SIRPB2: variants seen among roughly 807,000 people sequenced by gnomAD.
SIRPB2 encodes the protein signal-regulatory protein beta-2.
SIRPB2 carries 18 observed loss-of-function variants against 27.1 expected under a neutral mutation model. The ratio of observed to expected loss-of-function variants is 0.66; its 90% CI spans 0.46 to 0.98. SIRPB2 has a LOEUF of 0.98. Among genes scored for constraint, SIRPB2 ranks in the 50% least tolerant of loss-of-function variants. SIRPB2 has a pLI of 0.00. For missense variants in SIRPB2, 420 were observed against 417.4 expected (o/e 1.01, Z -0.06); for synonymous variants, 150 against 164.6 (o/e 0.91, Z 0.68).
At chr20:1,483,405 C>A (rs1472636017) in intron 1 of SIRPB2, among the ~76,000 whole-genome samples, 2 of 152,024 alleles carry the variant, frequency 1.3e-5, no homozygotes, top group African/African-American at 4.8e-5. Flanking sequence ...CAGCACCTGG[C>A]CTTTTTTTGG....
chr20:1,482,820 C>CTA (rs199633782), intron 1 of SIRPB2, among the ~76,000 whole-genome samples: 2 of 151,680 alleles, frequency 1.3e-5, no homozygotes, highest in South Asian at 2.1e-4. Flanking sequence ...CTTGGGGACA[C>CTA]TATATATATG....
intron 1 of SIRPB2, among the ~76,000 whole-genome samples, chr20:1,483,200 G>C (rs2090691183): frequency 6.6e-6 from 1 of 151,416 alleles, no homozygotes; most frequent in Non-Finnish European, 1.5e-5. Context: ...TCCGCCTCCT[G>C]GGGTCAAGTG....
At chr20:1,478,097 A>C (rs2090624664) in intron 3 of SIRPB2, 169 bp downstream of exon 3, 1 of 730,084 alleles carries the variant, frequency 1.4e-6, no homozygotes, top group African/African-American at 1.7e-5. Flanking sequence ...CTGGGCCTTG[A>C]AGGATGAGTA....
rs1272783704 is a variant in SIRPB2 at position 1,475,140 on chromosome 20, A to G, written c.*1027T>C. ...CCAAAAGTCCAGTGGGGGCAAAATC[A>G]CTCATCTTGGGAACTACTGCCCCAC... On this transcript the variant is annotated 3_prime_UTR_variant, in exon 5 of 5. Transcript: ENST00000359801. 1 of 152,094 alleles carries G rather than the reference A, an allele frequency of 6.6e-6. No individual in the cohort carries two copies. Among genetic ancestry groups the G allele is most frequent in the Non-Finnish European group, 1.5e-5 (1 of 68,056 alleles). 9.4% of individuals were successfully genotyped at this position (152,094 alleles called of 1,614,324 possible).
In SIRPB2 at chr20:1,478,587, C is replaced by T. The variant is rs1193027103; in HGVS notation, c.472G>A (p.Asp158Asn). 6.3e-7 allele frequency: 1 copy of T among 1,589,954 alleles called. No individual in the cohort carries two copies. The highest frequency in any genetic ancestry group is 2.3e-5 in the East Asian group (1 of 44,394). The change falls in exon 3 of 5, where the codon GAC becomes AAC. Residue 158 changes from aspartate to asparagine, a missense_variant. Coordinates refer to ENST00000359801, the MANE Select transcript of SIRPB2 (RefSeq NM_001122962.2). ...LVKGAGDPEP[D>N]LWIIQPQELV... ...TCCTGGGGCTGGATGATCCACAGGTCTGGTTCAGGGTCCCCAGCTCCTGAA... is the reference window on the plus strand; with the variant it reads ...TCCTGGGGCTGGATGATCCACAGGTTTGGTTCAGGGTCCCCAGCTCCTGAA...
In SIRPB2 at chr20:1,491,325, G is replaced by A. The variant is rs776141747; in HGVS notation, c.35C>T (p.Ala12Val). 1.2e-6 allele frequency: 2 copies of A among 1,611,104 alleles called. No individual in the cohort carries two copies. Among genetic ancestry groups the A allele is most frequent in the South Asian group, 1.1e-5 (1 of 90,414 alleles). Residue 12 changes from alanine (A) to valine (V), a missense_variant, in exon 1 of 5, where the codon GCC (alanine) becomes GTC (valine). Physicochemically the swap from Ala to Val is moderately conservative, Grantham distance 64. Transcript: ENST00000359801. ...CSTMSAPTCL[A>V]HLPPCFLLLA... ...CAGCAGGAAGCAGGGAGGCAAGTGG[G>A]CCAGGCAGGTGGGGGCCGACATCGT...
rs969304264 is a variant in SIRPB2 at position 1,476,153 on chromosome 20, C to G, written c.*14G>C. The G allele has an allele frequency of 2.5e-6, 4 of 1,611,992 alleles. No individual in the cohort carries two copies. In the African/African-American group the frequency reaches 5.4e-5, roughly 22 times the overall value. Reference sequence around the variant, plus strand: ...CTCTCCAACTCAGAGGGTCCTCACTCTGGGGCTGACCCCTCACTCTTGACC... The same window carrying G: ...CTCTCCAACTCAGAGGGTCCTCACTGTGGGGCTGACCCCTCACTCTTGACC... On this transcript the variant is annotated 3_prime_UTR_variant, in exon 5 of 5. Coordinates refer to ENST00000359801, the MANE Select transcript of SIRPB2 (RefSeq NM_001122962.2).
In SIRPB2 at chr20:1,475,956, GA is replaced by G; in HGVS notation, c.*210del. Reference sequence around the variant, plus strand: ...AGGGACTGAAAAGCAAGGAGGTCTTGAACAGGCCAAAAAGAGAAAGGGAGAC... The same window carrying G: ...AGGGACTGAAAAGCAAGGAGGTCTTGACAGGCCAAAAAGAGAAAGGGAGAC... On this transcript the variant is annotated 3_prime_UTR_variant, in exon 5 of 5. Transcript: ENST00000359801. 1.8e-6 allele frequency: 1 copy of G among 550,948 alleles called. No homozygotes were observed. Among genetic ancestry groups the G allele is most frequent in the South Asian group, 2.4e-5 (1 of 41,946 alleles). 34.1% of individuals were successfully genotyped at this position (550,948 alleles called of 1,614,324 possible).
At chr20:1,488,926 T>C (rs2090752393) in intron 1 of SIRPB2, among the ~76,000 whole-genome samples, 1 of 152,204 alleles carries the variant, frequency 6.6e-6, no homozygotes, top group African/African-American at 2.4e-5. Context: ...TGAATATTCA[T>C]AGATGCTTTA....
intron 1 of SIRPB2, among the ~76,000 whole-genome samples, chr20:1,488,276 T>C (rs975416404): frequency 6.6e-6 from 1 of 152,186 alleles, no homozygotes; most frequent in African/African-American, 2.4e-5. Flanking sequence ...GAGAGTCGAA[T>C]AGACACTTCA....
rs2090603760 is a variant in SIRPB2 at position 1,476,127 on chromosome 20, C to T, written c.*40G>A. 3.1e-6 allele frequency: 5 copies of T among 1,599,282 alleles called. No homozygotes were observed. The highest frequency in any genetic ancestry group is 4.3e-6 in the Non-Finnish European group (5 of 1,175,406). On this transcript the variant is annotated 3_prime_UTR_variant, in exon 5 of 5. Transcript: ENST00000359801. Reference sequence around the variant, plus strand: ...GGGAAATGGTTGAGGAGCCCTGGCTCCTCTCCAACTCAGAGGGTCCTCACT... The same window carrying T: ...GGGAAATGGTTGAGGAGCCCTGGCTTCTCTCCAACTCAGAGGGTCCTCACT...
intron 1 of SIRPB2, among the ~76,000 whole-genome samples, chr20:1,487,007 C>T (rs767628157): frequency 1.3e-5 from 2 of 152,066 alleles, no homozygotes; most frequent in Non-Finnish European, 2.9e-5. Context: ...AAATAAAAGA[C>T]ATCCAGATTT....
chr20:1,472,238 C>T (rs1408765819), downstream of SIRPB2, among the ~76,000 whole-genome samples: 1 of 152,172 alleles, frequency 6.6e-6, no homozygotes, highest in Non-Finnish European at 1.5e-5. Flanking sequence ...TTCTGTCTCC[C>T]ATCCATTCCC....
At chr20:1,476,683 G>A (rs960970349) in intron 4 of SIRPB2, 8 of 1,048,598 alleles carry the variant, frequency 7.6e-6, no homozygotes, top group Non-Finnish European at 8.1e-6. Context: ...GATTTTCTCA[G>A]GGCCACATGT....
At chr20:1,484,862 C>G (rs1252746290) in intron 1 of SIRPB2, among the ~76,000 whole-genome samples, 2 of 152,146 alleles carry the variant, frequency 1.3e-5, no homozygotes, top group African/African-American at 4.8e-5. Flanking sequence ...CCATATCACC[C>G]AGCAATACCA....
rs761620627 is a variant in SIRPB2 at position 1,477,340 on chromosome 20, G to T, written c.857C>A (p.Thr286Lys). The T allele has an allele frequency of 3.7e-6, 6 of 1,614,240 alleles. No individual in the cohort carries two copies. The highest frequency in any genetic ancestry group is 3.3e-5 in the South Asian group (3 of 91,092). Reference protein sequence around the residue: ...TSEPATEMSPTGLLVVFAPVV... With the variant: ...TSEPATEMSPKGLLVVFAPVV... ...TCCACTGAGGTGGGTACGCTCACCT[G>T]TTGGAGACATCTCAGTTGCAGGTTC... The change falls in exon 4 of 5, where the codon ACA becomes AAA. Residue 286 changes from threonine to lysine, a missense_variant and splice_region_variant. Coordinates refer to ENST00000359801, the MANE Select transcript of SIRPB2 (RefSeq NM_001122962.2).
At chr20:1,482,394 A>C (rs1390824645) in intron 1 of SIRPB2, among the ~76,000 whole-genome samples, 1 of 152,126 alleles carries the variant, frequency 6.6e-6, no homozygotes, top group African/African-American at 2.4e-5. Flanking sequence ...CCTCTCCCTG[A>C]GACCCATCAC....
intron 1 of SIRPB2, among the ~76,000 whole-genome samples, chr20:1,485,783 A>G (rs1011614967): frequency 7.9e-5 from 12 of 152,116 alleles, no homozygotes; most frequent in Non-Finnish European, 2.9e-5. Flanking sequence ...AATTATTAAA[A>G]TAAGGAATAA....
chr20:1,488,404 G>A (rs779417413), intron 1 of SIRPB2, among the ~76,000 whole-genome samples: 5 of 152,158 alleles, frequency 3.3e-5, no homozygotes, highest in Admixed American at 6.6e-5. Context: ...CGGATCACTG[G>A]ATCCCAGGAG....
Sources: gnomAD v4.1 joint callset for allele counts (sites outside exome capture counted in the v4.1 genomes callset) on GRCh38, gnomAD v4.1.1 for gene constraint, MANE v1.5 for transcripts, NCBI Gene and HGNC (gene_info 2026-07-23, HGNC 2026-07-21) for gene names.